The following PTPRG variants were observed in gnomAD, a reference collection of about 807,000 sequenced individuals.
PTPRG encodes receptor-type tyrosine-protein phosphatase gamma.
A neutral mutation model predicts 165.3 loss-of-function variants in PTPRG; 102 were observed. The observed-to-expected ratio is 0.62, with a 90% confidence interval of 0.53 to 0.73. The LOEUF (loss-of-function observed/expected upper bound fraction) is 0.73, where lower values mean the gene tolerates loss of function less well. PTPRG is among the 30% of genes least tolerant of loss of function. The pLI, the probability that PTPRG is intolerant of heterozygous loss-of-function variation, is 0.00. For missense variants in PTPRG, 1,866 were observed against 1,861.4 expected (o/e 1.00, Z -0.05); for synonymous variants, 675 against 669.5 (o/e 1.01, Z -0.13).
intron 2 of PTPRG, among the ~76,000 whole-genome samples, chr3:61,845,664 C>T (rs1373501569): frequency 6.6e-6 from 1 of 152,164 alleles, no homozygotes; most frequent in Non-Finnish European, 1.5e-5. Context: ...CTCTTTGGTT[C>T]TCTGTTACAC....
chr3:62,172,725 T>C (rs1021365850), intron 8 of PTPRG, among the ~76,000 whole-genome samples: 6 of 151,064 alleles, frequency 4.0e-5, no homozygotes, highest in African/African-American at 1.5e-4. Context: ...CTTCCTCTAC[T>C]CTTCTGCGAA....
At chr3:61,803,422 T>C (rs756541426) in intron 2 of PTPRG, among the ~76,000 whole-genome samples, 3 of 130,370 alleles carry the variant, frequency 2.3e-5, no homozygotes, top group South Asian at 2.7e-4. Context: ...CTAAGGGACA[T>C]TGCAATTGCT....
intron 2 of PTPRG, among the ~76,000 whole-genome samples, chr3:61,783,721 A>G (rs754582431): frequency 3.3e-5 from 5 of 152,164 alleles, no homozygotes; most frequent in Non-Finnish European, 5.9e-5. Flanking sequence ...CAGGACTAGC[A>G]TAGCTCATGC....
intron 4 of PTPRG, among the ~76,000 whole-genome samples, chr3:62,008,097 T>C (rs572291185): frequency 2.0e-5 from 3 of 152,328 alleles, no homozygotes; most frequent in Non-Finnish European, 4.4e-5. Flanking sequence ...GCTTCTATCG[T>C]ATCCTAAACT....
At chr3:61,929,745 G>A (rs1476452763) in intron 2 of PTPRG, among the ~76,000 whole-genome samples, 4 of 151,906 alleles carry the variant, frequency 2.6e-5, no homozygotes, top group Admixed American at 1.3e-4. Flanking sequence ...CCTATGGGCT[G>A]CAGTGATTCA....
chr3:62,003,662 T>G (rs2107723514), intron 4 of PTPRG, among the ~76,000 whole-genome samples, 165 bp downstream of exon 4: 1 of 152,346 alleles, frequency 6.6e-6, no homozygotes, highest in East Asian at 1.9e-4. Context: ...GTATCCATCC[T>G]TGTTTCTCAC....
At chr3:62,144,837 A>G (rs1290971401) in intron 6 of PTPRG, among the ~76,000 whole-genome samples, 1 of 152,194 alleles carries the variant, frequency 6.6e-6, no homozygotes, top group East Asian at 1.9e-4. Flanking sequence ...GTTAACAATA[A>G]TGTTAAGACG....
At chr3:61,853,190 G>C (rs974076102) in intron 2 of PTPRG, among the ~76,000 whole-genome samples, 1 of 152,142 alleles carries the variant, frequency 6.6e-6, no homozygotes, top group Non-Finnish European at 1.5e-5. Context: ...AGGGAAGGGG[G>C]GTTTGAGAAA....
At chr3:61,908,374 G>A (rs111387499) in intron 2 of PTPRG, among the ~76,000 whole-genome samples, 9 of 147,134 alleles carry the variant, frequency 6.1e-5, no homozygotes, top group East Asian at 2.0e-4. Context: ...GCAGTGAGCC[G>A]GGATCGTACT....
intron 2 of PTPRG, among the ~76,000 whole-genome samples, chr3:61,941,532 G>A (rs2039628765): frequency 1.3e-5 from 2 of 152,056 alleles, no homozygotes; most frequent in African/African-American, 2.4e-5. Flanking sequence ...CTGAGGCAGG[G>A]GAATCTCTTG....
intron 2 of PTPRG, among the ~76,000 whole-genome samples, chr3:61,787,090 A>G (rs1328164115): frequency 6.6e-6 from 1 of 152,138 alleles, no homozygotes; most frequent in Non-Finnish European, 1.5e-5. Flanking sequence ...CCCAAAGCTG[A>G]ATCCTTTGTG....
chr3:62,142,451 T>C (rs904192447), intron 6 of PTPRG, among the ~76,000 whole-genome samples: 1 of 152,116 alleles, frequency 6.6e-6, no homozygotes, highest in Non-Finnish European at 1.5e-5. Context: ...AGGATCATTT[T>C]TCAACAGTAC....
At chr3:61,643,087 A>G (rs896743418) in intron 1 of PTPRG, among the ~76,000 whole-genome samples, 1 of 152,236 alleles carries the variant, frequency 6.6e-6, no homozygotes, top group African/African-American at 2.4e-5. Flanking sequence ...TTTCTTTAAC[A>G]AATAAATTAC....
chr3:62,239,125 A>G (rs1006566114), intron 14 of PTPRG, among the ~76,000 whole-genome samples: 4 of 152,166 alleles, frequency 2.6e-5, no homozygotes, highest in African/African-American at 9.7e-5. Flanking sequence ...CATCTATTTC[A>G]TTGATTTCCC....
chr3:62,019,452 G>A (rs1239367046), intron 4 of PTPRG, among the ~76,000 whole-genome samples: 1 of 151,568 alleles, frequency 6.6e-6, no homozygotes, highest in African/African-American at 2.4e-5. Context: ...GAACTCAGGG[G>A]GTGGAGGTTG....
intron 2 of PTPRG, among the ~76,000 whole-genome samples, chr3:61,877,072 A>G (rs1424744507): frequency 1.3e-5 from 2 of 152,070 alleles, no homozygotes; most frequent in Non-Finnish European, 2.9e-5. Context: ...GCCTTGTGCA[A>G]TCTTTGCATT....
intron 5 of PTPRG, among the ~76,000 whole-genome samples, chr3:62,111,321 GA>G (rs1702659434): frequency 6.6e-6 from 1 of 152,160 alleles, no homozygotes; most frequent in African/African-American, 2.4e-5. Flanking sequence ...AGTACTCCTG[GA>G]AGATGCTCCA....
chr3:61,945,484 G>A (rs889249905), intron 2 of PTPRG, among the ~76,000 whole-genome samples: 26 of 145,764 alleles, frequency 1.8e-4, no homozygotes, highest in Admixed American at 6.5e-4. Flanking sequence ...GCTTGAACCC[G>A]GAAGGTGGCG....
At chr3:61,917,946 A>G (rs557733494) in intron 2 of PTPRG, among the ~76,000 whole-genome samples, 2 of 151,784 alleles carry the variant, frequency 1.3e-5, no homozygotes, top group African/African-American at 4.8e-5. Flanking sequence ...AAAATAAACA[A>G]ATAAATAAAT....
Sources: gnomAD v4.1 joint callset for allele counts (sites outside exome capture counted in the v4.1 genomes callset) on GRCh38, gnomAD v4.1.1 for gene constraint, MANE v1.5 for transcripts, NCBI Gene and HGNC (gene_info 2026-07-23, HGNC 2026-07-21) for gene names.